TNFRSF9: variants seen among roughly 807,000 people sequenced by gnomAD.
TNFRSF9 encodes tumor necrosis factor receptor superfamily member 9.
A neutral mutation model predicts 28.8 loss-of-function variants in TNFRSF9; 16 were observed. That is an observed-to-expected ratio of 0.55 (90% confidence interval 0.38 to 0.84). The LOEUF (loss-of-function observed/expected upper bound fraction) is 0.84, where lower values mean the gene tolerates loss of function less well. Ranked by LOEUF, TNFRSF9 falls within the 40% of genes least tolerant of loss-of-function variation. The probability of loss-of-function intolerance (pLI) is 0.00; values close to 1 mark genes in which losing one functional copy is unlikely to be tolerated. For synonymous variants in TNFRSF9, 131 were observed against 117.0 expected (o/e 1.12, Z -0.77); for missense variants, 303 against 315.0 (o/e 0.96, Z 0.29).
At chr1:7,933,939 C>G (rs970930522) in intron 6 of TNFRSF9, among the ~76,000 whole-genome samples, 1 of 152,068 alleles carries the variant, frequency 6.6e-6, no homozygotes, top group African/African-American at 2.4e-5. Context: ...ATCGCTTGAA[C>G]CTGGGAGGTA....
chr1:7,920,076 G>C lies in TNFRSF9; in HGVS notation c.*759C>G, dbSNP rs1204314099. ...ACTCTGCTCATACTCCCCCCTGACG[G>C]TGGAGCATGTCGTGTTACATGACAG... is the stretch of plus-strand genomic sequence containing the variant. On this transcript the variant is annotated 3_prime_UTR_variant, in exon 8 of 8. Coordinates refer to ENST00000377507, the MANE Select transcript of TNFRSF9 (RefSeq NM_001561.6). 3 of 152,192 alleles carry C rather than the reference G, an allele frequency of 2.0e-5. No homozygotes were observed. The highest frequency in any genetic ancestry group is 6.6e-5 in the Admixed American group (1 of 15,258). The allele number at this position is 152,192 out of a possible 1,614,324, so 9.4% of individuals were successfully genotyped here. A position where few individuals can be genotyped will look rare whatever the true frequency, so the allele number is the denominator to read the frequency against.
chr1:7,940,006 G>A lies in TNFRSF9; in HGVS notation c.-12C>T, dbSNP rs750978061. 8.9e-6 allele frequency: 14 copies of A among 1,574,792 alleles called. 1 individual carries two copies. Among genetic ancestry groups the A allele is most frequent in the Admixed American group, 5.0e-5 (3 of 59,680 alleles). ...CAGCTGTTTCCCATGATGAAATCTG[G>A]CACAGGTATGATACTAGCAAAGCTG... On this transcript the variant is annotated 5_prime_UTR_variant, in exon 2 of 8. Coordinates refer to ENST00000377507, the MANE Select transcript of TNFRSF9 (RefSeq NM_001561.6).
At chr1:7,932,693 ACACACACACG>A (rs967903521) in intron 7 of TNFRSF9, among the ~76,000 whole-genome samples, 2 of 150,750 alleles carry the variant, frequency 1.3e-5, no homozygotes, top group Non-Finnish European at 2.9e-5. Context: ...ACGCACGCGC[ACACACACACG>A]CACACACACA....
intron 7 of TNFRSF9, among the ~76,000 whole-genome samples, chr1:7,921,196 C>T (rs1239643001): frequency 1.3e-5 from 2 of 151,740 alleles, no homozygotes; most frequent in Non-Finnish European, 2.9e-5. Flanking sequence ...ATTAGCCGGG[C>T]GTGGTGGCAG....
At chr1:7,935,721 C>T (rs1363106914) in intron 5 of TNFRSF9, among the ~76,000 whole-genome samples, 4 of 152,084 alleles carry the variant, frequency 2.6e-5, no homozygotes, top group East Asian at 1.9e-4. Context: ...CCCAGCTACT[C>T]GGGAGACTGA....
At chr1:7,934,921 T>C in intron 6 of TNFRSF9, 92 bp downstream of exon 6, 1 of 1,527,236 alleles carries the variant, frequency 6.5e-7, no homozygotes, top group Non-Finnish European at 8.9e-7. Flanking sequence ...GGGAGGTGCC[T>C]GATATGAGAT....
Position 7,923,850 on chromosome 1 carries a change from T to A in TNFRSF9, c.680-2927A>T, listed in dbSNP as rs185949732. Among the ~76,000 whole-genome samples the A allele has an allele frequency of 2.6e-3, 391 of 150,932 alleles. 3 individuals carry two copies. The highest frequency in any genetic ancestry group is 7.9e-3 in the African/African-American group (327 of 41,158). ...AAGCAAGACCCTGACTTCTAAAAAA[T>A]TTTTTTTTTACTTAGGCCTAAATCT... On this transcript the variant is annotated intron_variant, in intron 7 of 7. Coordinates refer to ENST00000377507, the MANE Select transcript of TNFRSF9 (RefSeq NM_001561.6).
rs199921981 is a variant in TNFRSF9 at position 7,917,819 on chromosome 1, G to A, written c.*3016C>T. 7.2e-5 allele frequency: 11 copies of A among 151,968 alleles called. No individual in the cohort carries two copies. In the East Asian group the frequency reaches 2.1e-3, roughly 29 times the overall value. The allele number at this position is 151,968 out of a possible 1,614,324, so 9.4% of individuals were successfully genotyped here. ...CCAGCACTTTGGAAGGCTGAGGTGG[G>A]AGGATCACTTGAGCTCAGGAGTTCA... On this transcript the variant is annotated 3_prime_UTR_variant, in exon 8 of 8. Coordinates refer to ENST00000377507, the MANE Select transcript of TNFRSF9 (RefSeq NM_001561.6).
Position 7,920,765 on chromosome 1 carries a change from G to C in TNFRSF9, c.*70C>G, listed in dbSNP as rs9658042. 8.2e-7 allele frequency: 1 copy of C among 1,225,064 alleles called. No homozygotes were observed. Among genetic ancestry groups the C allele is most frequent in the Non-Finnish European group, 1.2e-6 (1 of 827,798 alleles). 75.9% of individuals were successfully genotyped at this position (1,225,064 alleles called of 1,614,324 possible). A position where few individuals can be genotyped will look rare whatever the true frequency, so the allele number is the denominator to read the frequency against. On this transcript the variant is annotated 3_prime_UTR_variant, in exon 8 of 8. Coordinates refer to ENST00000377507, the MANE Select transcript of TNFRSF9 (RefSeq NM_001561.6). ...GATGGTGTTCTTGCTTTTGAAAGCT[G>C]TGATAGCGGATGACTCATATTTCCT... is the stretch of plus-strand genomic sequence containing the variant.
intron 7 of TNFRSF9, among the ~76,000 whole-genome samples, chr1:7,922,331 G>T (rs1381560423): frequency 6.6e-6 from 1 of 152,130 alleles, no homozygotes; most frequent in Non-Finnish European, 1.5e-5. Flanking sequence ...CATGTTTTCC[G>T]TATTTGTCCT....
At chr1:7,924,599 C>T (rs1345804665) in intron 7 of TNFRSF9, among the ~76,000 whole-genome samples, 1 of 152,050 alleles carries the variant, frequency 6.6e-6, no homozygotes, top group Non-Finnish European at 1.5e-5. Context: ...TGCACTCCAG[C>T]CTGGGCAACA....
chr1:7,930,435 C>T (rs909269888), intron 7 of TNFRSF9, among the ~76,000 whole-genome samples: 5 of 152,080 alleles, frequency 3.3e-5, no homozygotes, highest in African/African-American at 7.2e-5. Context: ...CATTTTATAA[C>T]GAACTTTGTT....
At position 7,938,290 on chromosome 1, in the gene TNFRSF9, A is replaced by G. The variant is rs1038863891; in HGVS notation, c.249T>C (p.Asn83=). 3.1e-6 allele frequency: 5 copies of G among 1,610,146 alleles called. No homozygotes were observed. The highest frequency in any genetic ancestry group is 4.2e-6 in the Non-Finnish European group (5 of 1,178,458). The change falls in exon 4 of 8, where the codon AAT becomes AAC. Residue 83 remains asparagine, a synonymous_variant. Coordinates refer to ENST00000377507, the MANE Select transcript of TNFRSF9 (RefSeq NM_001561.6). Reference sequence around the variant, plus strand: ...ACCCTGGAGTGCAGTCACACTCTGCATTGCTGGTGGAGGAACACTCCTTCC... The same window carrying G: ...ACCCTGGAGTGCAGTCACACTCTGCGTTGCTGGTGGAGGAACACTCCTTCC... ...RTRKECSSTS[N]AECDCTPGFH...
Position 7,919,030 on chromosome 1 carries a change from C to T in TNFRSF9, c.*1805G>A, listed in dbSNP as rs1199712197. The T allele has an allele frequency of 6.6e-6, 1 of 152,184 alleles. No homozygotes were observed. Among genetic ancestry groups the T allele is most frequent in the Non-Finnish European group, 1.5e-5 (1 of 68,042 alleles). The allele number at this position is 152,184 out of a possible 1,614,324, so 9.4% of individuals were successfully genotyped here. ...ACTTTTCTGCCCTATTGATGCCTGG[C>T]TTGGCTGCAGGATTTGCTCTAAAGG... is the stretch of plus-strand genomic sequence containing the variant. On this transcript the variant is annotated 3_prime_UTR_variant, in exon 8 of 8. Transcript: ENST00000377507.
At position 7,938,345 on chromosome 1, in the gene TNFRSF9, C is replaced by T. The variant is rs773564854; in HGVS notation, c.209-15G>A. 1 of 1,580,014 alleles carries T rather than the reference C, an allele frequency of 6.3e-7. No homozygotes were observed. The highest frequency in any genetic ancestry group is 8.6e-7 in the Non-Finnish European group (1 of 1,164,074). ...CCTGAAAACACCTACAAAGTCCCCCCAGCCCCCAACATTTTATTACACTTG... is the reference window on the plus strand; with the variant it reads ...CCTGAAAACACCTACAAAGTCCCCCTAGCCCCCAACATTTTATTACACTTG... On this transcript the variant is annotated splice_polypyrimidine_tract_variant and intron_variant, in intron 3 of 7. Coordinates refer to ENST00000377507, the MANE Select transcript of TNFRSF9 (RefSeq NM_001561.6).
In TNFRSF9 at chr1:7,939,057, C is replaced by T. The variant is rs545723102; in HGVS notation, c.101-229G>A. On this transcript the variant is annotated intron_variant, in intron 2 of 7. Coordinates refer to ENST00000377507, the MANE Select transcript of TNFRSF9 (RefSeq NM_001561.6). ...AATACAGGCCAGGTGCAGTGGCTCA[C>T]GCCTGTAATCACAGCACTTTGGGAG... is the stretch of plus-strand genomic sequence containing the variant. 5.3e-5 allele frequency among the ~76,000 whole-genome samples: 8 copies of T among 152,246 alleles called. No individual in the cohort carries two copies. In the South Asian group the frequency reaches 1.2e-3, roughly 24 times the overall value.
chr1:7,933,318 G>A (rs949310729), intron 6 of TNFRSF9, 22 bp from the exon 7 acceptor site: 16 of 1,607,132 alleles, frequency 1.0e-5, no homozygotes, highest in Non-Finnish European at 1.3e-5. Context: ...AGCAAAAGGA[G>A]AAACGCATGC....
Position 7,931,618 on chromosome 1 carries a change from A to G in TNFRSF9, c.679+1544T>C, listed in dbSNP as rs1014342184. Among the ~76,000 whole-genome samples the G allele has an allele frequency of 5.3e-5, 8 of 152,224 alleles. No homozygotes were observed. In the South Asian group the frequency reaches 8.3e-4, roughly 16 times the overall value. On this transcript the variant is annotated intron_variant, in intron 7 of 7. Coordinates refer to ENST00000377507, the MANE Select transcript of TNFRSF9 (RefSeq NM_001561.6). ...AAGGAAGTTAATACCATACAAGTCT[A>G]GATGTGGTTAGCAGTAGTGGGCAAA...
intron 4 of TNFRSF9, 121 bp downstream of exon 4, chr1:7,938,072 A>G: frequency 1.2e-6 from 1 of 809,648 alleles, no homozygotes; most frequent in Non-Finnish European, 1.8e-6. Context: ...ATGATATATC[A>G]TATACTCCCT....
Sources: allele counts gnomAD v4.1 joint callset (sites outside exome capture counted in the v4.1 genomes callset), GRCh38; gene constraint gnomAD v4.1.1; transcripts MANE v1.5; gene names NCBI Gene and HGNC (gene_info 2026-07-23, HGNC 2026-07-21).